Variants in ARID3A observed in about 807,000 individuals in gnomAD.
The protein encoded by ARID3A is AT-rich interaction domain 3A.
Under a neutral mutation model 52.7 loss-of-function variants are expected in ARID3A, and 11 were observed. That is an observed-to-expected ratio of 0.21 (90% confidence interval 0.13 to 0.35). ARID3A has a LOEUF of 0.35. ARID3A is among the 10% of genes least tolerant of loss of function. ARID3A has a pLI of 1.00. For missense variants in ARID3A, 721 were observed against 838.5 expected (o/e 0.86, Z 1.73); for synonymous variants, 404 against 359.4 (o/e 1.12, Z -1.40).
At chr19:939,910 C>CCAGACTGGTG (rs1214389372) in intron 3 of ARID3A, among the ~76,000 whole-genome samples, 2 of 152,076 alleles carry the variant, frequency 1.3e-5, no homozygotes, top group Non-Finnish European at 2.9e-5. Flanking sequence ...CGTCGTGCCC[C>CCAGACTGGTG]GGAGACCCCC....
chr19:926,111 C>G (rs1462285667), intron 1 of ARID3A, 52 bp downstream of exon 1: 2 of 150,274 alleles, frequency 1.3e-5, no homozygotes, highest in Non-Finnish European at 3.0e-5. Flanking sequence ...GAGCCAGCGG[C>G]GCGCACCGGC....
chr19:934,232 T>A (rs1224228054), intron 3 of ARID3A, among the ~76,000 whole-genome samples: 2 of 152,038 alleles, frequency 1.3e-5, no homozygotes, highest in Non-Finnish European at 2.9e-5. Context: ...ATTCAGTCGG[T>A]CCTTCGGGGG....
intron 3 of ARID3A, among the ~76,000 whole-genome samples, chr19:948,806 T>C (rs2037741440): frequency 6.7e-6 from 1 of 149,708 alleles, no homozygotes; most frequent in South Asian, 2.2e-4. Context: ...GCCTCCCGGA[T>C]TCAAGTGATT....
chr19:934,677 G>T (rs1444410413), intron 3 of ARID3A, among the ~76,000 whole-genome samples: 2 of 152,138 alleles, frequency 1.3e-5, no homozygotes, highest in African/African-American at 4.8e-5. Flanking sequence ...GCCGCCTCTG[G>T]GTCTTGCGGG....
At chr19:970,550 C>T (rs2038257435) in intron 8 of ARID3A, among the ~76,000 whole-genome samples, 1 of 142,156 alleles carries the variant, frequency 7.0e-6, no homozygotes, top group African/African-American at 2.7e-5. Context: ...CTCTGTTGCC[C>T]AGGCTGGAGT....
intron 2 of ARID3A, among the ~76,000 whole-genome samples, chr19:930,527 T>TA (rs1182831745): frequency 1.3e-5 from 2 of 149,604 alleles, no homozygotes; most frequent in Non-Finnish European, 3.0e-5. Flanking sequence ...TTTTTTTTTT[T>TA]AGACAGAGTC....
Position 964,145 on chromosome 19 carries a change from T to C in ARID3A, c.767-103T>C. On this transcript the variant is annotated intron_variant, in intron 4 of 8. Transcript: ENST00000263620. This position sits in a 1 kb window ranked among gnomAD's most constrained non-coding sequence, Gnocchi z 5.7. ...GGAGACATCTGTGGTTGTCACAGCC[T>C]GGGCGGGGGAGTGCTCCTGGCATGG... 2.1e-6 allele frequency: 2 copies of C among 936,036 alleles called. No individual in the cohort carries two copies. Among genetic ancestry groups the C allele is most frequent in the East Asian group, 5.2e-5 (2 of 38,418 alleles). 58.0% of individuals were successfully genotyped at this position (936,036 alleles called of 1,614,324 possible).
At chr19:926,888 C>G (rs1052123260) in intron 1 of ARID3A, among the ~76,000 whole-genome samples, 6 of 152,060 alleles carry the variant, frequency 3.9e-5, no homozygotes, top group African/African-American at 9.7e-5. Context: ...GGGGTTCCCC[C>G]CCCCATGCAA....
intron 3 of ARID3A, among the ~76,000 whole-genome samples, chr19:952,074 G>A (rs1306230527): frequency 6.6e-6 from 1 of 152,062 alleles, no homozygotes; most frequent in Admixed American, 6.6e-5. Context: ...CCGGGAGGCG[G>A]AGGTTGCAGT....
intron 3 of ARID3A, among the ~76,000 whole-genome samples, chr19:949,195 C>G (rs1185583801): frequency 7.2e-6 from 1 of 139,350 alleles, no homozygotes; most frequent in African/African-American, 3.1e-5. Flanking sequence ...AGCAGGGCCC[C>G]AGGGGTGTGG....
In ARID3A at chr19:942,422, C is replaced by T. The variant is rs1467990671; in HGVS notation, c.693+9680C>T. ...GGCCGCCGGGAGCCGGGCCGGGAGC[C>T]GCTGCGGTGCCGACCTGGTGGGTGG... is the stretch of plus-strand genomic sequence containing the variant. On this transcript the variant is annotated intron_variant, in intron 3 of 8. Coordinates refer to ENST00000263620, the MANE Select transcript of ARID3A (RefSeq NM_005224.3). This position sits in a 1 kb window ranked among gnomAD's most constrained non-coding sequence, Gnocchi z 8.1. 6.6e-6 allele frequency among the ~76,000 whole-genome samples: 1 copy of T among 152,176 alleles called. No homozygotes were observed. The highest frequency in any genetic ancestry group is 6.5e-5 in the Admixed American group (1 of 15,270).
chr19:933,571 C>T (rs1490000877), intron 3 of ARID3A, among the ~76,000 whole-genome samples: 1 of 152,112 alleles, frequency 6.6e-6, no homozygotes, highest in Non-Finnish European at 1.5e-5. Flanking sequence ...GGATGATGGA[C>T]ACGCTGGGAC....
intron 1 of ARID3A, chr19:928,678 C>T (rs1311853127): frequency 6.6e-6 from 1 of 152,260 alleles, no homozygotes; most frequent in Non-Finnish European, 1.5e-5. Flanking sequence ...CTCGATTCAT[C>T]CCTCCTTGAG....
chr19:940,626 G>A (rs372429363), intron 3 of ARID3A, among the ~76,000 whole-genome samples: 46 of 152,322 alleles, frequency 3.0e-4, no homozygotes, highest in African/African-American at 1.1e-3. Flanking sequence ...TAGGCAGATG[G>A]TGCAGCTGGG....
chr19:930,553 A>G (rs2037300098), intron 2 of ARID3A, among the ~76,000 whole-genome samples: 1 of 142,862 alleles, frequency 7.0e-6, no homozygotes, highest in South Asian at 2.3e-4. Context: ...CTTTTCGCCC[A>G]GGCTGGAGTG....
rs1568378193 is a variant in ARID3A at position 973,103 on chromosome 19, A to ATTCTTTTTTTTTT, written c.*1038_*1039insTTCTTTTTTTTTT. The ATTCTTTTTTTTTT allele has an allele frequency of 7.1e-5, 1 of 13,990 alleles. No individual in the cohort carries two copies. Among genetic ancestry groups the ATTCTTTTTTTTTT allele is most frequent in the African/African-American group, 1.7e-4 (1 of 5,850 alleles). 0.9% of individuals were successfully genotyped at this position (13,990 alleles called of 1,614,324 possible). A position where few individuals can be genotyped will look rare whatever the true frequency, so the allele number is the denominator to read the frequency against. On this transcript the variant is annotated 3_prime_UTR_variant, in exon 9 of 9. Transcript: ENST00000263620. ...TGGGCTCTCGAGTCAGGGGCCTGGA[A>ATTCTTTTTTTTTT]ATTTTTTTTTTTTTTTTTTTTTGAG...
chr19:952,531 C>T (rs2037823878), intron 3 of ARID3A, among the ~76,000 whole-genome samples: 1 of 151,150 alleles, frequency 6.6e-6, no homozygotes, highest in Non-Finnish European at 1.5e-5. Context: ...CTCCTGGAGG[C>T]TCAGTCAGGC....
rs982519356 is a variant in ARID3A, at chr19:942,616, G to A, written c.693+9874G>A. ...GTCAGGGCTGGGCTGGGGGTCCGTG[G>A]GCACAGGTGGGTGGGCAGGGAGTAG... On this transcript the variant is annotated intron_variant, in intron 3 of 8. Coordinates refer to ENST00000263620, the MANE Select transcript of ARID3A (RefSeq NM_005224.3). This position sits in a 1 kb window ranked among gnomAD's most constrained non-coding sequence, Gnocchi z 8.1. Among the ~76,000 whole-genome samples, 6 of 152,224 alleles carry A rather than the reference G, an allele frequency of 3.9e-5. No homozygotes were observed. The highest frequency in any genetic ancestry group is 3.9e-4 in the Admixed American group (6 of 15,284).
chr19:951,146 G>A (rs2037795848), intron 3 of ARID3A, among the ~76,000 whole-genome samples: 1 of 152,058 alleles, frequency 6.6e-6, no homozygotes, highest in Non-Finnish European at 1.5e-5. Flanking sequence ...AAGAAGAGAC[G>A]GGGTCTCGCT....
Sources: allele counts gnomAD v4.1 joint callset (sites outside exome capture counted in the v4.1 genomes callset), GRCh38; gene constraint gnomAD v4.1.1; non-coding constraint Gnocchi (gnomAD v3.1); transcripts MANE v1.5; gene names NCBI Gene and HGNC (gene_info 2026-07-23, HGNC 2026-07-21).